The following SLC36A1 variants were observed in gnomAD, a reference collection of about 807,000 sequenced individuals.
SLC36A1 encodes solute carrier family 36 member 1, also known as proton-coupled amino acid transporter 1.
Under a neutral mutation model 47.5 loss-of-function variants are expected in SLC36A1, and 30 were observed. The observed-to-expected ratio is 0.63, with a 90% CI of 0.47 to 0.86. SLC36A1 has a LOEUF of 0.86. SLC36A1 is among the 40% of genes least tolerant of loss of function. The pLI is 0.00. For missense variants in SLC36A1, 517 were observed against 606.0 expected (o/e 0.85, Z 1.54); for synonymous variants, 255 against 249.7 (o/e 1.02, Z -0.20).
chr5:151,358,242 A>T, the SLC36A1 span, among the ~76,000 whole-genome samples: 82 of 151,650 alleles, frequency 5.4e-4, 1 homozygote, highest in Admixed American at 3.9e-3. Context: ...AGACAGCCTC[A>T]GGCCAGATTT....
In SLC36A1 at chr5:151,488,135, G is replaced by T. The variant is rs373055649; in HGVS notation, c.1312G>T (p.Ala438Ser). 29 of 1,614,038 alleles carry T rather than the reference G, an allele frequency of 1.8e-5. No homozygotes were observed. The highest frequency in any genetic ancestry group is 2.7e-5 in the African/African-American group (2 of 74,906). Residue 438 changes from alanine (A) to serine (S), a missense_variant, in exon 11 of 11, where the codon GCC (alanine) becomes TCC (serine). Transcript: ENST00000243389. ...GAGCCCCCTCACCATCTTTAAGGAC[G>T]CCCTGATCAGCATCCTGGGCTTCGT... ...GMSPLTIFKD[A>S]LISILGFVGF...
the SLC36A1 span, among the ~76,000 whole-genome samples, chr5:151,384,993 T>TGA: frequency 8.2e-3 from 1,113 of 135,742 alleles, 3 homozygotes; most frequent in Middle Eastern, 0.028. Flanking sequence ...TGTGGGTGTG[T>TGA]GAGAGAGAGA....
chr5:151,546,486 G>A, the SLC36A1 span: 261 of 582,334 alleles, frequency 4.5e-4, no homozygotes, highest in Non-Finnish European at 6.4e-4. Flanking sequence ...AGTGTATAGA[G>A]TAGATACTTT....
chr5:151,475,279 A>G (rs1757893670), intron 8 of SLC36A1, among the ~76,000 whole-genome samples: 2 of 152,192 alleles, frequency 1.3e-5, no homozygotes, highest in African/African-American at 4.8e-5. Context: ...ATCCTAAGGG[A>G]CCTTGTGCTA....
the SLC36A1 span, among the ~76,000 whole-genome samples, chr5:151,384,672 T>C: frequency 1.3e-5 from 2 of 152,234 alleles, no homozygotes; most frequent in African/African-American, 2.4e-5. Context: ...AAAGTGGTTG[T>C]CCTGCCTCTG....
At chr5:151,468,296 T>TTA (rs1329672254) in intron 7 of SLC36A1, among the ~76,000 whole-genome samples, 7 of 67,700 alleles carry the variant, frequency 1.0e-4, no homozygotes, top group Admixed American at 2.9e-4. Flanking sequence ...TATATATATT[T>TTA]TATATATATA....
intron 7 of SLC36A1, among the ~76,000 whole-genome samples, chr5:151,469,726 C>T (rs1422016171): frequency 6.6e-6 from 1 of 151,814 alleles, no homozygotes; most frequent in Non-Finnish European, 1.5e-5. Context: ...CCCATTTTTC[C>T]ATCCTTACTA....
chr5:151,534,285 G>A, the SLC36A1 span: 1 of 644,694 alleles, frequency 1.6e-6, no homozygotes, highest in Non-Finnish European at 2.7e-6. Context: ...ACTTTTAAGT[G>A]TCCCCAGACT....
At position 151,458,842 on chromosome 5, in the gene SLC36A1, C is replaced by T. The variant is rs367921434; in HGVS notation, c.50C>T (p.Thr17Met). 3.6e-5 allele frequency: 58 copies of T among 1,614,134 alleles called. No homozygotes were observed. The Middle Eastern group carries it at 4.9e-4, about 14-fold the overall frequency. ...GAAGACTACCACGACTACAGCTCCA[C>T]GGACGTGAGCCCTGAGGAGAGCCCG... Reference protein sequence around the residue: ...RNEDYHDYSSTDVSPEESPSE... With the variant: ...RNEDYHDYSSMDVSPEESPSE... Residue 17 changes from threonine to methionine, a missense_variant, in exon 2 of 11, where the codon ACG (threonine) becomes ATG (methionine). Transcript: ENST00000243389.
At chr5:151,399,250 C>T in the SLC36A1 span, among the ~76,000 whole-genome samples, 6 of 151,470 alleles carry the variant, frequency 4.0e-5, no homozygotes, top group South Asian at 4.2e-4. Flanking sequence ...CCACACCTGG[C>T]GAATTTTTGT....
the SLC36A1 span, among the ~76,000 whole-genome samples, chr5:151,384,491 A>G: frequency 1.3e-5 from 2 of 152,224 alleles, no homozygotes; most frequent in Non-Finnish European, 2.9e-5. Flanking sequence ...CATGCCTTCT[A>G]TAATCTGCAG....
At chr5:151,404,529 T>C in the SLC36A1 span, among the ~76,000 whole-genome samples, 8 of 152,208 alleles carry the variant, frequency 5.3e-5, no homozygotes, top group Non-Finnish European at 1.2e-4. Flanking sequence ...GTTAAGTGTG[T>C]TTTTGTGGTA....
Position 151,465,088 on chromosome 5 carries a change from TTG to T in SLC36A1, c.341_342del (p.Val114GlyfsTer4). The T allele has an allele frequency of 6.2e-7, 1 of 1,613,792 alleles. No individual in the cohort carries two copies. The highest frequency in any genetic ancestry group is 8.5e-7 in the Non-Finnish European group (1 of 1,179,714). Reference sequence around the variant, plus strand: ...TACTCTTCCAGGCTGAATAAATCCTTTGTGGATTATGGTGATACTGTGATGTA... The same window carrying T: ...TACTCTTCCAGGCTGAATAAATCCTTTGGATTATGGTGATACTGTGATGTA... On this transcript the variant is annotated frameshift_variant, in exon 5 of 11. Transcript: ENST00000243389. LOFTEE classifies it high-confidence loss of function.
the SLC36A1 span, among the ~76,000 whole-genome samples, chr5:151,518,805 G>A: frequency 6.6e-6 from 1 of 152,166 alleles, no homozygotes; most frequent in African/African-American, 2.4e-5. Flanking sequence ...ATAGCATTCT[G>A]TTGAACCCCC....
At chr5:151,537,823 C>A in the SLC36A1 span, 4 of 1,613,846 alleles carry the variant, frequency 2.5e-6, no homozygotes, top group Non-Finnish European at 3.4e-6. Flanking sequence ...AATTCATGCG[C>A]CCCAGGGCCA....
At chr5:151,406,730 A>ACAG in the SLC36A1 span, among the ~76,000 whole-genome samples, 1 of 152,192 alleles carries the variant, frequency 6.6e-6, no homozygotes, top group African/African-American at 2.4e-5. Context: ...CTTTAAGAAG[A>ACAG]CAGCAGCAGC....
the SLC36A1 span, chr5:151,529,134 C>A: frequency 1.3e-6 from 2 of 1,549,760 alleles, no homozygotes; most frequent in Non-Finnish European, 1.8e-6. Flanking sequence ...AAGAACCCAT[C>A]CCAGAGTTCT....
the SLC36A1 span, among the ~76,000 whole-genome samples, chr5:151,537,406 A>G: frequency 8.5e-5 from 12 of 141,068 alleles, no homozygotes; most frequent in Admixed American, 2.9e-4. Flanking sequence ...GAAAGGGAGA[A>G]AGGAAAAGGA....
At chr5:151,543,325 T>C in the SLC36A1 span, 1 of 1,613,784 alleles carries the variant, frequency 6.2e-7, no homozygotes, top group Non-Finnish European at 8.5e-7. Context: ...AACCGGAGAG[T>C]CTTTACTGAC....
Sources: allele counts gnomAD v4.1 joint callset (sites outside exome capture counted in the v4.1 genomes callset), GRCh38; gene constraint gnomAD v4.1.1; transcripts MANE v1.5; gene names NCBI Gene and HGNC (gene_info 2026-07-23, HGNC 2026-07-21).